FAP: variants seen among roughly 807,000 people sequenced by gnomAD.
FAP encodes fibroblast activation protein alpha, also known as prolyl endopeptidase FAP.
Under a neutral mutation model 126.5 loss-of-function variants are expected in FAP, and 110 were observed. The observed-to-expected ratio is 0.87, with a 90% confidence interval of 0.74 to 1.02. FAP has a LOEUF of 1.02. Ranked by LOEUF, FAP falls within the 50% of genes least tolerant of loss-of-function variation. The pLI, the probability that FAP is intolerant of heterozygous loss-of-function variation, is 0.00. For synonymous variants in FAP, 334 were observed against 297.3 expected, an observed-to-expected ratio of 1.12 and a Z score of -1.27; for missense variants, 919 against 909.2, an observed-to-expected ratio of 1.01 and a Z score of -0.14.
In FAP at chr2:162,226,392, C is replaced by T. The variant is rs1689647267; in HGVS notation, c.190+131G>A. On this transcript the variant is annotated intron_variant, in intron 3 of 25. Coordinates refer to ENST00000188790, the MANE Select transcript of FAP (RefSeq NM_004460.5). ...AAAGCGCTTTTTTGAGCACTTGAAT[C>T]ATTCAGATAATTGTTCTTTTTGTAC... The T allele has an allele frequency of 1.2e-5, 6 of 499,838 alleles. No individual in the cohort carries two copies. The South Asian group carries it at 2.1e-4, about 17-fold the overall frequency. 31.0% of individuals were successfully genotyped at this position (499,838 alleles called of 1,614,324 possible).
chr2:162,189,301 T>G, intron 18 of FAP, 129 bp from the exon 19 acceptor site: 1 of 507,940 alleles, frequency 2.0e-6, no homozygotes, highest in Non-Finnish European at 3.4e-6. Context: ...TTAGGATATA[T>G]TTAAAAGTAA....
chr2:162,188,022 A>G (rs957844772), intron 20 of FAP, 147 bp downstream of exon 20: 12 of 627,954 alleles, frequency 1.9e-5, no homozygotes, highest in Non-Finnish European at 2.7e-5. Context: ...TATTTGGCAG[A>G]AATACCTCTT....
At chr2:162,177,173 T>C (rs1028071489) in intron 21 of FAP, among the ~76,000 whole-genome samples, 3 of 152,120 alleles carry the variant, frequency 2.0e-5, no homozygotes, top group African/African-American at 7.2e-5. Flanking sequence ...ATTCTGGAAT[T>C]TTGTCCTTTG....
chr2:162,175,078 C>T (rs1356163835), intron 21 of FAP, 112 bp from the exon 22 acceptor site: 16 of 688,044 alleles, frequency 2.3e-5, no homozygotes, highest in South Asian at 3.6e-5. Context: ...GAGAATATGG[C>T]TAAGGGTGGA....
At chr2:162,186,300 AT>A (rs1474478454) in intron 20 of FAP, among the ~76,000 whole-genome samples, 2 of 152,136 alleles carry the variant, frequency 1.3e-5, no homozygotes, top group African/African-American at 4.8e-5. Flanking sequence ...CATCCTAAAA[AT>A]GGCTCAGAGA....
intron 16 of FAP, chr2:162,198,125 A>G (rs902812624): frequency 8.2e-7 from 1 of 1,218,400 alleles, no homozygotes; most frequent in Non-Finnish European, 1.1e-6. Flanking sequence ...ACAACCAGGA[A>G]ATGTTTTGTA....
At chr2:162,220,793 G>A (rs569116846) in intron 6 of FAP, among the ~76,000 whole-genome samples, 4 of 152,272 alleles carry the variant, frequency 2.6e-5, no homozygotes, top group East Asian at 1.9e-4. Flanking sequence ...TTGCAGAGTC[G>A]TAGGATGTCA....
rs775909079 is a variant in FAP, at chr2:162,189,167, A to G, written c.1555T>C (p.Trp519Arg). 1.3e-6 allele frequency: 2 copies of G among 1,593,486 alleles called. No individual in the cohort carries two copies. Among genetic ancestry groups the G allele is most frequent in the Admixed American group, 3.5e-5 (2 of 57,720 alleles). The change falls in exon 19 of 26, where the codon TGG (tryptophan) becomes CGG (arginine). Residue 519 changes from tryptophan (W) to arginine (R), a missense_variant. Transcript: ENST00000188790. Reference sequence around the variant, plus strand: ...TGAGGAGGAAGAATCATCTTGTACCATAAAGCTTTGAGGAAAAAAAAAGGA... The same window carrying G: ...TGAGGAGGAAGAATCATCTTGTACCGTAAAGCTTTGAGGAAAAAAAAAGGA... ...KKLEVDEITL[W>R]YKMILPPQFD...
intron 21 of FAP, chr2:162,176,203 A>C (rs914898017): frequency 6.6e-6 from 1 of 152,192 alleles, no homozygotes. Context: ...TGCTGGTAAT[A>C]GGTCAGTGGC....
At chr2:162,239,723 ATAAC>A (rs796391459) in intron 2 of FAP, among the ~76,000 whole-genome samples, 44 of 152,352 alleles carry the variant, frequency 2.9e-4, no homozygotes, top group African/African-American at 9.6e-4. Flanking sequence ...TAGAAAAAAA[ATAAC>A]TAACATTTGT....
intron 22 of FAP, among the ~76,000 whole-genome samples, chr2:162,174,586 T>C (rs1301735106): frequency 6.6e-6 from 1 of 151,900 alleles, no homozygotes; most frequent in Admixed American, 6.6e-5. Flanking sequence ...AAAAACAGAG[T>C]TAGCTCTGAT....
chr2:162,181,497 A>G (rs1284963387), intron 21 of FAP, among the ~76,000 whole-genome samples: 1 of 152,118 alleles, frequency 6.6e-6, no homozygotes, highest in Non-Finnish European at 1.5e-5. Flanking sequence ...TGTGTGCACC[A>G]TGCTCTTTAA....
chr2:162,220,512 T>C (rs952866497), intron 6 of FAP, among the ~76,000 whole-genome samples: 2 of 152,194 alleles, frequency 1.3e-5, no homozygotes, highest in African/African-American at 4.8e-5. Context: ...TTTTTGAAAA[T>C]AAGATGCCAT....
At chr2:162,210,371 C>T (rs923125179) in intron 11 of FAP, among the ~76,000 whole-genome samples, 1 of 152,156 alleles carries the variant, frequency 6.6e-6, no homozygotes, top group African/African-American at 2.4e-5. Flanking sequence ...AAAATTTGCA[C>T]TGAATCTTAT....
At chr2:162,239,358 A>G (rs1422616896) in intron 2 of FAP, among the ~76,000 whole-genome samples, 1 of 151,148 alleles carries the variant, frequency 6.6e-6, no homozygotes, top group Non-Finnish European at 1.5e-5. Flanking sequence ...TTTTACTCTC[A>G]CTCAGCCTTA....
intron 2 of FAP, among the ~76,000 whole-genome samples, chr2:162,230,707 T>G (rs1388047235): frequency 6.6e-6 from 1 of 152,090 alleles, no homozygotes; most frequent in Non-Finnish European, 1.5e-5. Context: ...TGGAGTGTGC[T>G]TATATAAAAA....
At chr2:162,194,778 C>T (rs1688185605) in intron 16 of FAP, 30 bp from the exon 17 acceptor site, 9 of 1,607,748 alleles carry the variant, frequency 5.6e-6, no homozygotes, top group Non-Finnish European at 7.7e-6. Flanking sequence ...AAAATCATGG[C>T]TTAGTGTTAA....
intron 14 of FAP, 48 bp from the exon 15 acceptor site, chr2:162,200,667 T>C: frequency 1.2e-6 from 1 of 856,438 alleles, no homozygotes; most frequent in Non-Finnish European, 1.8e-6. Context: ...TAAGTGATAA[T>C]AGGATTGTTA....
In FAP at chr2:162,173,765, G is replaced by T. The variant is rs1450977209; in HGVS notation, c.1992C>A (p.Phe664Leu). 35 of 1,604,224 alleles carry T rather than the reference G, an allele frequency of 2.2e-5. No individual in the cohort carries two copies. The highest frequency in any genetic ancestry group is 2.9e-5 in the Non-Finnish European group (34 of 1,171,282). ...EYYASVYTER[F>L]MGLPTKDDNL... ...TATCATCCTTTGTTGGGAGACCCAT[G>T]AATCTCTCTGTGTAGACAGACGCTA... The change falls in exon 23 of 26, where the codon TTC (phenylalanine) becomes TTA (leucine). Residue 664 changes from phenylalanine to leucine, a missense_variant. Transcript: ENST00000188790.
Sources: gnomAD v4.1 joint callset for allele counts (sites outside exome capture counted in the v4.1 genomes callset) on GRCh38, gnomAD v4.1.1 for gene constraint, MANE v1.5 for transcripts, NCBI Gene and HGNC (gene_info 2026-07-23, HGNC 2026-07-21) for gene names.